The following RYR2 variants were observed in gnomAD, a reference collection of about 807,000 sequenced individuals.
RYR2 encodes the protein cardiac muscle ryanodine receptor-calcium release channel.
RYR2 carries 227 observed loss-of-function variants against 601.1 expected under a neutral mutation model. The ratio of observed to expected loss-of-function variants is 0.38; its 90% CI spans 0.34 to 0.42. RYR2 has a LOEUF of 0.42. Among genes scored for constraint, RYR2 ranks in the 10% least tolerant of loss-of-function variants. The pLI, the probability that RYR2 is intolerant of heterozygous loss-of-function variation, is 1.00. For synonymous variants in RYR2, 2,223 were observed against 2,175.1 expected, an observed-to-expected ratio of 1.02 and a Z score of -0.61; for missense variants, 4,646 against 6,156.5, an observed-to-expected ratio of 0.75 and a Z score of 8.21.
intron 1 of RYR2, among the ~76,000 whole-genome samples, chr1:237,226,829 CG>C (rs1373377164): frequency 6.6e-5 from 10 of 152,040 alleles, no homozygotes; most frequent in Non-Finnish European, 1.5e-4. Flanking sequence ...AGTGTAGTGG[CG>C]TGCTCTCGGC....
intron 10 of RYR2, among the ~76,000 whole-genome samples, chr1:237,408,407 A>ATATATATATATATAT (rs56317247): frequency 0.051 from 6,768 of 132,566 alleles, 467 homozygotes; most frequent in Middle Eastern, 0.06. Flanking sequence ...TATATATATA[A>ATATATATATATATAT]ATGGATATCC....
intron 29 of RYR2, among the ~76,000 whole-genome samples, chr1:237,576,492 A>T (rs12131136): frequency 6.6e-6 from 1 of 151,902 alleles, no homozygotes; most frequent in Non-Finnish European, 1.5e-5. Flanking sequence ...GTAGTGTGTC[A>T]GTATGTTGGA....
chr1:237,759,702 T>C, intron 82 of RYR2, 74 bp from the exon 83 acceptor site: 1 of 889,832 alleles, frequency 1.1e-6, no homozygotes, highest in South Asian at 1.3e-5. Context: ...GGAAAGCCTG[T>C]TTTGGTTGTT....
Position 237,311,086 on chromosome 1 carries a change from A to G in RYR2, c.169-19792A>G, listed in dbSNP as rs143720002. ...CTAATTGAGTGTCAGCATTATCATTATTGATTATATTATTATTAAGTATTC... is the reference window on the plus strand; with the variant it reads ...CTAATTGAGTGTCAGCATTATCATTGTTGATTATATTATTATTAAGTATTC... On this transcript the variant is annotated intron_variant, in intron 2 of 104. Transcript: ENST00000366574. Among the ~76,000 whole-genome samples, 198 of 152,324 alleles carry G rather than the reference A, an allele frequency of 1.3e-3. 4 individuals are homozygous for G. The East Asian group carries it at 0.014, about 11-fold the overall frequency.
intron 101 of RYR2, among the ~76,000 whole-genome samples, chr1:237,822,418 C>G (rs1020566416): frequency 3.3e-5 from 5 of 152,164 alleles, no homozygotes; most frequent in African/African-American, 1.2e-4. Context: ...AATTTCACAT[C>G]CAGCCAAACT....
intron 1 of RYR2, among the ~76,000 whole-genome samples, chr1:237,186,119 G>A (rs1323558870): frequency 1.3e-5 from 2 of 152,158 alleles, no homozygotes; most frequent in African/African-American, 4.8e-5. Flanking sequence ...GTAGGTAAAT[G>A]CCACATCCTG....
chr1:237,782,178 C>CT (rs35521596), intron 89 of RYR2, among the ~76,000 whole-genome samples: 25,867 of 119,006 alleles, frequency 0.22, 3,573 homozygotes, highest in East Asian at 0.58. Flanking sequence ...TTTGTTATTG[C>CT]TTTTTTTTTT....
chr1:237,249,992 G>T (rs888438), intron 1 of RYR2, among the ~76,000 whole-genome samples: 41,505 of 152,066 alleles, frequency 0.27, 7,353 homozygotes, highest in African/African-American at 0.5. Context: ...TCTACTCTTC[G>T]ATTTACAGAG....
At chr1:237,097,826 C>G (rs1667649162) in intron 1 of RYR2, among the ~76,000 whole-genome samples, 3 of 152,074 alleles carry the variant, frequency 2.0e-5, no homozygotes, top group Admixed American at 2.0e-4. Context: ...GGGCTGGAGA[C>G]CTGGGGAGGG....
At chr1:237,322,803 A>T (rs1695749355) in intron 2 of RYR2, among the ~76,000 whole-genome samples, 1 of 150,346 alleles carries the variant, frequency 6.7e-6, no homozygotes, top group Non-Finnish European at 1.5e-5. Context: ...TTTCCTACAT[A>T]CGTAATAAAC....
chr1:237,676,140 T>G (rs1475689403), intron 60 of RYR2, among the ~76,000 whole-genome samples: 7 of 152,130 alleles, frequency 4.6e-5, no homozygotes, highest in Non-Finnish European at 5.9e-5. Flanking sequence ...AAGGATCCGA[T>G]ATGCGTAGCA....
chr1:237,255,110 A>G (rs1050318137), intron 1 of RYR2, among the ~76,000 whole-genome samples: 2 of 152,220 alleles, frequency 1.3e-5, no homozygotes, highest in African/African-American at 4.8e-5. Context: ...TTCAATGCCA[A>G]CTGGGAAATT....
intron 35 of RYR2, among the ~76,000 whole-genome samples, chr1:237,605,072 T>G (rs1676955592): frequency 6.6e-6 from 1 of 152,186 alleles, no homozygotes; most frequent in South Asian, 2.1e-4. Context: ...ACTCATTTTA[T>G]GAGGCCAGCA....
chr1:237,214,534 G>A (rs894169297), intron 1 of RYR2, among the ~76,000 whole-genome samples: 4 of 152,108 alleles, frequency 2.6e-5, no homozygotes, highest in African/African-American at 9.7e-5. Context: ...TGAATCCAGT[G>A]AGAACTCACT....
chr1:237,604,032 G>A (rs1676817907), intron 35 of RYR2, among the ~76,000 whole-genome samples: 1 of 152,106 alleles, frequency 6.6e-6, no homozygotes, highest in African/African-American at 2.4e-5. Context: ...AAGTTAACAA[G>A]GATATCTAGG....
intron 1 of RYR2, among the ~76,000 whole-genome samples, chr1:237,240,691 A>G (rs1434392143): frequency 6.9e-6 from 1 of 145,230 alleles, no homozygotes; most frequent in Non-Finnish European, 1.5e-5. Flanking sequence ...AAAAAAAAAC[A>G]GTGGGTCAGA....
intron 25 of RYR2, among the ~76,000 whole-genome samples, chr1:237,548,168 T>C (rs892329538): frequency 6.6e-6 from 1 of 152,224 alleles, no homozygotes; most frequent in Admixed American, 6.5e-5. Flanking sequence ...TGACAGGTCC[T>C]TTTCATCTCT....
chr1:237,253,283 A>G (rs1687654039), intron 1 of RYR2, among the ~76,000 whole-genome samples: 1 of 152,124 alleles, frequency 6.6e-6, no homozygotes, highest in Non-Finnish European at 1.5e-5. Context: ...ATGAAGTGAC[A>G]GGTGAGTTAC....
chr1:237,162,124 T>C (rs1005188252), intron 1 of RYR2, among the ~76,000 whole-genome samples: 1 of 152,002 alleles, frequency 6.6e-6, no homozygotes, highest in African/African-American at 2.4e-5. Flanking sequence ...AGTAGTGGAG[T>C]TTGGGATATT....
Sources: gnomAD v4.1 joint callset for allele counts (sites outside exome capture counted in the v4.1 genomes callset) on GRCh38, gnomAD v4.1.1 for gene constraint, MANE v1.5 for transcripts, NCBI Gene and HGNC (gene_info 2026-07-23, HGNC 2026-07-21) for gene names.